CPQ: variants seen among roughly 807,000 people sequenced by gnomAD.
The protein encoded by CPQ is Ser-Met dipeptidase.
In CPQ, 37 loss-of-function variants were observed where a neutral mutation model predicts 45.7. The ratio of observed to expected loss-of-function variants is 0.81; its 90% CI spans 0.62 to 1.07. The LOEUF (loss-of-function observed/expected upper bound fraction) is 1.07, where lower values mean the gene tolerates loss of function less well. Among genes scored for constraint, CPQ ranks in the 50% least tolerant of loss-of-function variants. The probability of loss-of-function intolerance (pLI) is 0.00; values close to 1 mark genes in which losing one functional copy is unlikely to be tolerated. For synonymous variants in CPQ, 186 were observed against 205.8 expected, an observed-to-expected ratio of 0.90 and a Z score of 0.82; for missense variants, 537 against 572.9, an observed-to-expected ratio of 0.94 and a Z score of 0.64.
At chr8:96,906,291 C>CCAAAAT (rs1440203915) in intron 4 of CPQ, among the ~76,000 whole-genome samples, 1 of 152,094 alleles carries the variant, frequency 6.6e-6, no homozygotes, top group Non-Finnish European at 1.5e-5. Context: ...CTTACCCTTT[C>CCAAAAT]CAAAATCAGA....
At chr8:96,963,789 A>G (rs921804605) in intron 4 of CPQ, among the ~76,000 whole-genome samples, 2 of 152,196 alleles carry the variant, frequency 1.3e-5, no homozygotes, top group Admixed American at 1.3e-4. Flanking sequence ...CAGAAAACAG[A>G]ACATGACCAG....
chr8:97,012,770 C>T (rs1809512527), intron 5 of CPQ, among the ~76,000 whole-genome samples: 1 of 152,124 alleles, frequency 6.6e-6, no homozygotes, highest in Admixed American at 6.5e-5. Flanking sequence ...AAAGCAAAAG[C>T]TCTATAAGGT....
intron 3 of CPQ, among the ~76,000 whole-genome samples, chr8:96,861,373 C>T (rs13271894): frequency 0.39 from 58,725 of 151,882 alleles, 12,032 homozygotes; most frequent in Non-Finnish European, 0.46. Flanking sequence ...TAATGGAGTG[C>T]GGTCAGAGCT....
At chr8:96,956,892 G>A (rs1356160946) in intron 4 of CPQ, among the ~76,000 whole-genome samples, 1 of 152,190 alleles carries the variant, frequency 6.6e-6, no homozygotes, top group Non-Finnish European at 1.5e-5. Context: ...TATGATAAAA[G>A]GATTAAAAGC....
intron 4 of CPQ, among the ~76,000 whole-genome samples, chr8:96,939,667 A>G (rs112072860): frequency 6.6e-6 from 1 of 152,154 alleles, no homozygotes; most frequent in Non-Finnish European, 1.5e-5. Context: ...TTCATAGCTT[A>G]TAACACTCCA....
At chr8:96,758,432 A>G (rs1359536600) in intron 1 of CPQ, among the ~76,000 whole-genome samples, 1 of 152,244 alleles carries the variant, frequency 6.6e-6, no homozygotes, top group Non-Finnish European at 1.5e-5. Context: ...TGTATGGTCT[A>G]AAACTACACC....
chr8:96,926,563 C>CTT (rs1205795039), intron 4 of CPQ, among the ~76,000 whole-genome samples: 48 of 113,722 alleles, frequency 4.2e-4, no homozygotes, highest in African/African-American at 1.7e-3. Context: ...TCTTCCTCTT[C>CTT]CTCTTCCTCT....
chr8:97,021,042 T>A (rs1033215887), intron 5 of CPQ, among the ~76,000 whole-genome samples: 4 of 152,188 alleles, frequency 2.6e-5, no homozygotes, highest in Admixed American at 1.3e-4. Flanking sequence ...GTGGGTTTCA[T>A]ACCAGGGACG....
intron 5 of CPQ, among the ~76,000 whole-genome samples, chr8:97,008,653 CT>C (rs1169380657): frequency 2.6e-5 from 4 of 152,142 alleles, no homozygotes; most frequent in African/African-American, 9.7e-5. Flanking sequence ...GAGAACCTGG[CT>C]TTAAGTCCTG....
At chr8:96,651,488 T>G (rs1044067783) in intron 1 of CPQ, among the ~76,000 whole-genome samples, 1 of 152,234 alleles carries the variant, frequency 6.6e-6, no homozygotes, top group Non-Finnish European at 1.5e-5. Context: ...GCATCAAACA[T>G]TTAAAAATGC....
rs148740566 is a variant in CPQ, at chr8:96,755,721, A to G, written c.-34-29143A>G. On this transcript the variant is annotated intron_variant, in intron 1 of 7. Transcript: ENST00000220763. ...ATCTATTACAGACAGCAATAAATTTATTTCCTTCTCAAATCGAAATTTTGT... is the reference window on the plus strand; with the variant it reads ...ATCTATTACAGACAGCAATAAATTTGTTTCCTTCTCAAATCGAAATTTTGT... Among the ~76,000 whole-genome samples, 731 of 152,078 alleles carry G rather than the reference A, an allele frequency of 4.8e-3. 11 individuals carry two copies. The highest frequency in any genetic ancestry group is 0.012 in the African/African-American group (510 of 41,568).
intron 2 of CPQ, among the ~76,000 whole-genome samples, chr8:96,812,676 G>T (rs1208541902): frequency 6.6e-6 from 1 of 152,052 alleles, no homozygotes; most frequent in African/African-American, 2.4e-5. Context: ...TGGCAACAGG[G>T]ATAGGGCCTT....
At chr8:96,762,669 A>G (rs905071432) in intron 1 of CPQ, among the ~76,000 whole-genome samples, 2 of 152,278 alleles carry the variant, frequency 1.3e-5, no homozygotes, top group African/African-American at 4.8e-5. Context: ...TATCTAGGGC[A>G]TCTGAGATTG....
At chr8:97,022,724 A>C (rs981025451) in intron 5 of CPQ, among the ~76,000 whole-genome samples, 4 of 151,998 alleles carry the variant, frequency 2.6e-5, no homozygotes, top group African/African-American at 4.8e-5. Context: ...AAAAATCAAA[A>C]AATAATTGAT....
chr8:96,879,070 G>C (rs960754347), intron 3 of CPQ, among the ~76,000 whole-genome samples: 6 of 152,288 alleles, frequency 3.9e-5, no homozygotes, highest in African/African-American at 1.2e-4. Context: ...TGAATCAACA[G>C]ATTAATATAG....
At chr8:96,905,521 C>A (rs1812564324) in intron 4 of CPQ, among the ~76,000 whole-genome samples, 2 of 152,150 alleles carry the variant, frequency 1.3e-5, no homozygotes, top group Non-Finnish European at 2.9e-5. Flanking sequence ...GCCCATCTGA[C>A]AAGAGGGAGA....
intron 1 of CPQ, among the ~76,000 whole-genome samples, chr8:96,711,578 A>G (rs1809608488): frequency 6.6e-6 from 1 of 152,172 alleles, no homozygotes; most frequent in African/African-American, 2.4e-5. Context: ...CCTTCCTCAC[A>G]TGGTGGCAAC....
At chr8:96,672,337 G>A (rs948695332) in intron 1 of CPQ, among the ~76,000 whole-genome samples, 3 of 152,106 alleles carry the variant, frequency 2.0e-5, no homozygotes, top group Non-Finnish European at 4.4e-5. Flanking sequence ...ACTGTTCTAG[G>A]TACTGGGGAT....
intron 5 of CPQ, among the ~76,000 whole-genome samples, chr8:96,973,499 A>G (rs999362819): frequency 4.1e-4 from 63 of 152,254 alleles, no homozygotes; most frequent in African/African-American, 1.5e-3. Flanking sequence ...TAGACATCCA[A>G]ATACAAGAAA....
Sources: allele counts gnomAD v4.1 joint callset (sites outside exome capture counted in the v4.1 genomes callset), GRCh38; gene constraint gnomAD v4.1.1; transcripts MANE v1.5; gene names NCBI Gene and HGNC (gene_info 2026-07-23, HGNC 2026-07-21).